SEL1L3: variants seen among roughly 807,000 people sequenced by gnomAD.
The protein encoded by SEL1L3 is SEL1L family member 3.
A neutral mutation model predicts 142.8 loss-of-function variants in SEL1L3; 76 were observed. The observed-to-expected ratio is 0.53, with a 90% CI of 0.44 to 0.64. The LOEUF is 0.64. Among genes scored for constraint, SEL1L3 ranks in the 30% least tolerant of loss-of-function variants. The pLI is 0.00. For missense variants in SEL1L3, 1,262 were observed against 1,381.7 expected, an observed-to-expected ratio of 0.91 and a Z score of 1.37; for synonymous variants, 504 against 519.6, an observed-to-expected ratio of 0.97 and a Z score of 0.41.
rs531517975 is a variant in SEL1L3, at chr4:25,860,974, A to G, written c.162+1701T>C. On this transcript the variant is annotated intron_variant, in intron 1 of 23. Transcript: ENST00000399878. ...CATCATTATCTGTCTCTGTTTCCAGAGTCCACTTAGGCCCTTAGGCTTTGC... is the reference window on the plus strand; with the variant it reads ...CATCATTATCTGTCTCTGTTTCCAGGGTCCACTTAGGCCCTTAGGCTTTGC... Among the ~76,000 whole-genome samples, 7 of 152,270 alleles carry G rather than the reference A, an allele frequency of 4.6e-5. No individual in the cohort carries two copies. In the East Asian group the frequency reaches 1.2e-3, roughly 25 times the overall value.
the SEL1L3 span, among the ~76,000 whole-genome samples, chr4:25,730,302 T>C: frequency 6.6e-6 from 1 of 152,200 alleles, no homozygotes; most frequent in Non-Finnish European, 1.5e-5. Context: ...TGGGTGTGCA[T>C]TTGGAATGCA....
In SEL1L3 at chr4:25,794,393, GACA is replaced by G. The variant is rs1192153758; in HGVS notation, c.1957-3822_1957-3820del. Among the ~76,000 whole-genome samples the G allele has an allele frequency of 2.0e-5, 3 of 152,282 alleles. No homozygotes were observed. The East Asian group carries it at 5.8e-4, about 29-fold the overall frequency. Reference sequence around the variant, plus strand: ...CATGAACAGACACTTCTCAAAAGAAGACATTTATGCAGGCAACAAATGTAGGGG... The same window carrying G: ...CATGAACAGACACTTCTCAAAAGAAGTTTATGCAGGCAACAAATGTAGGGG... On this transcript the variant is annotated intron_variant, in intron 11 of 23. Transcript: ENST00000399878.
intron 23 of SEL1L3, among the ~76,000 whole-genome samples, chr4:25,749,052 A>T (rs1717421640): frequency 6.6e-6 from 1 of 152,208 alleles, no homozygotes; most frequent in Non-Finnish European, 1.5e-5. Flanking sequence ...GTGATGAGGT[A>T]CAAAGACCAT....
At chr4:25,752,555 A>G (rs972238427) in intron 23 of SEL1L3, among the ~76,000 whole-genome samples, 1 of 152,162 alleles carries the variant, frequency 6.6e-6, no homozygotes, top group African/African-American at 2.4e-5. Context: ...TAGTGTCAGC[A>G]TGCTTTAATT....
chr4:25,775,572 T>C (rs1231590796), intron 17 of SEL1L3, among the ~76,000 whole-genome samples: 4 of 151,994 alleles, frequency 2.6e-5, no homozygotes, highest in African/African-American at 9.7e-5. Context: ...AAAACAACAA[T>C]GGAATGCTAG....
chr4:25,824,944 T>C (rs1714996574), intron 6 of SEL1L3, among the ~76,000 whole-genome samples: 1 of 152,184 alleles, frequency 6.6e-6, no homozygotes. Context: ...ACAAGTATCT[T>C]TGCTTTCATT....
At chr4:25,782,645 T>A (rs1017134031) in intron 14 of SEL1L3, among the ~76,000 whole-genome samples, 2 of 152,168 alleles carry the variant, frequency 1.3e-5, no homozygotes, top group African/African-American at 4.8e-5. Context: ...CTGCCTTCCA[T>A]CTCTGCAGCA....
the SEL1L3 span, among the ~76,000 whole-genome samples, chr4:25,717,527 G>T: frequency 6.6e-6 from 1 of 151,904 alleles, no homozygotes; most frequent in African/African-American, 2.4e-5. Context: ...ATTGCCGGGC[G>T]TGGTGGCAGA....
intron 16 of SEL1L3, chr4:25,777,853 G>C (rs1221426141): frequency 2.2e-6 from 1 of 456,212 alleles, no homozygotes; most frequent in Non-Finnish European, 4.4e-6. Context: ...CAGGGTATCA[G>C]TGTGAGGGTG....
intron 17 of SEL1L3, among the ~76,000 whole-genome samples, chr4:25,770,739 C>CAAAAAAAAAAAAAAAAAAAAAAAAA (rs57317400): frequency 3.1e-5 from 3 of 97,384 alleles, no homozygotes; most frequent in Non-Finnish European, 4.2e-5. Flanking sequence ...GACTCTGTCT[C>CAAAAAAAAAAAAAAAAAAAAAAAAA]AAAAAAAAAA....
chr4:25,748,431 A>C lies in SEL1L3; in HGVS notation c.3393T>G (p.Arg1131=), dbSNP rs750519591. 1 of 1,609,054 alleles carries C rather than the reference A, an allele frequency of 6.2e-7. No homozygotes were observed. Among genetic ancestry groups the C allele is most frequent in the Non-Finnish European group, 8.5e-7 (1 of 1,177,934 alleles). ...GAGAACTGGAGTGCACAGTTCACCCACGTGGCTCCGGGTTATTAGTTACTG... is the reference window on the plus strand; with the variant it reads ...GAGAACTGGAGTGCACAGTTCACCCCCGTGGCTCCGGGTTATTAGTTACTG... The part of the protein sequence containing the change: ...QPTVTNNPEP[R]G Residue 1131 remains arginine (R), a synonymous_variant, in exon 24 of 24, where the codon CGT becomes CGG. Coordinates refer to ENST00000399878, the MANE Select transcript of SEL1L3 (RefSeq NM_015187.5).
downstream of SEL1L3, among the ~76,000 whole-genome samples, chr4:25,746,504 CTAAATATATATATATATATATATT>C (rs1306618854): frequency 4.6e-5 from 4 of 86,812 alleles, no homozygotes; most frequent in East Asian, 9.6e-4. Flanking sequence ...GCAATATTAT[CTAAATATATATATATATATATATT>C]TAAATATATA....
At chr4:25,813,074 G>C (rs1217806529) in intron 9 of SEL1L3, among the ~76,000 whole-genome samples, 2 of 152,142 alleles carry the variant, frequency 1.3e-5, no homozygotes, top group Non-Finnish European at 2.9e-5. Context: ...TGGAGAAATT[G>C]GAACCCTTGT....
chr4:25,773,763 T>C (rs1169870525), intron 17 of SEL1L3, among the ~76,000 whole-genome samples: 1 of 152,240 alleles, frequency 6.6e-6, no homozygotes, highest in Non-Finnish European at 1.5e-5. Flanking sequence ...GGTTTCATTA[T>C]ATATCCCTCT....
intron 7 of SEL1L3, 39 bp downstream of exon 7, chr4:25,821,957 C>T: frequency 6.2e-7 from 1 of 1,600,606 alleles, no homozygotes; most frequent in Non-Finnish European, 8.5e-7. Flanking sequence ...ACACCCATCA[C>T]CCAGGAGTAC....
chr4:25,815,684 T>C (rs1393900673), intron 9 of SEL1L3, among the ~76,000 whole-genome samples: 1 of 152,036 alleles, frequency 6.6e-6, no homozygotes, highest in Non-Finnish European at 1.5e-5. Context: ...TTTGCGGGTC[T>C]TGGGGCATGG....
At chr4:25,726,725 C>A in the SEL1L3 span, among the ~76,000 whole-genome samples, 2 of 152,106 alleles carry the variant, frequency 1.3e-5, no homozygotes, top group Non-Finnish European at 2.9e-5. Flanking sequence ...GAAATTATTA[C>A]AACAAGCCTT....
intron 9 of SEL1L3, among the ~76,000 whole-genome samples, chr4:25,816,114 T>C (rs1714374466): frequency 6.8e-6 from 1 of 146,944 alleles, no homozygotes; most frequent in Non-Finnish European, 1.5e-5. Flanking sequence ...ATATATTATA[T>C]ATTATATGAT....
At chr4:25,782,171 G>C in intron 15 of SEL1L3, 71 bp downstream of exon 15, 2 of 1,404,590 alleles carry the variant, frequency 1.4e-6, no homozygotes, top group Non-Finnish European at 2.0e-6. Context: ...GGTGCACACA[G>C]TGTACCTTCA....
Sources: gnomAD v4.1 joint callset for allele counts (sites outside exome capture counted in the v4.1 genomes callset) on GRCh38, gnomAD v4.1.1 for gene constraint, MANE v1.5 for transcripts, NCBI Gene and HGNC (gene_info 2026-07-23, HGNC 2026-07-21) for gene names.